C19orf12: variants seen among roughly 807,000 people sequenced by gnomAD.
The protein encoded by C19orf12 is chromosome 19 open reading frame 12, also known as protein C19orf12.
In C19orf12, 2 loss-of-function variants were observed where a neutral mutation model predicts 3.8. The observed-to-expected ratio is 0.53, with a 90% CI of 0.22 to 1.66. The LOEUF (loss-of-function observed/expected upper bound fraction) is 1.66. C19orf12 is among the 40% of genes most tolerant of loss of function. C19orf12 has a pLI of 0.20. For missense variants in C19orf12, 156 were observed against 188.8 expected, an observed-to-expected ratio of 0.83 and a Z score of 1.02; for synonymous variants, 89 against 84.6, an observed-to-expected ratio of 1.05 and a Z score of -0.28.
chr19:29,712,982 T>C (rs928429187), intron 1 of C19orf12, among the ~76,000 whole-genome samples: 6 of 152,250 alleles, frequency 3.9e-5, no homozygotes, highest in Admixed American at 2.6e-4. Flanking sequence ...AGAGATGTTG[T>C]GGCTGACTCC....
chr19:29,702,791 G>T lies in C19orf12; in HGVS notation c.347C>A (p.Ala116Asp). Residue 116 changes from alanine (A) to aspartate (D), a missense_variant, in exon 3 of 3, where the codon GCC becomes GAC. Physicochemically the swap from Ala to Asp is moderately radical, Grantham distance 126. Coordinates refer to ENST00000323670, the MANE Select transcript of C19orf12 (RefSeq NM_031448.6). ...QLTALVMGSEALQQQLLAMLV... is the reference protein window; with the variant it reads ...QLTALVMGSEDLQQQLLAMLV... Reference sequence around the variant, plus strand: ...CATGGCCAGCAGCTGCTGCTGCAGGGCCTCGCTGCCCATGACCAGCGCGGT... The same window carrying T: ...CATGGCCAGCAGCTGCTGCTGCAGGTCCTCGCTGCCCATGACCAGCGCGGT... 6.2e-7 allele frequency: 1 copy of T among 1,613,844 alleles called. No individual in the cohort carries two copies. Among genetic ancestry groups the T allele is most frequent in the Non-Finnish European group, 8.5e-7 (1 of 1,179,904 alleles).
chr19:29,702,977 C>G lies in C19orf12; in HGVS notation c.161G>C (p.Gly54Ala), dbSNP rs752450983. 198 of 1,614,008 alleles carry G rather than the reference C, an allele frequency of 1.2e-4. No individual in the cohort carries two copies. The highest frequency in any genetic ancestry group is 1.5e-4 in the Non-Finnish European group (178 of 1,180,024). ...LVGGPPGLAV[G>A]GAVGGLLGAW... ...ACCTAACAGCCCCCCGACAGCCCCC[C>G]CTAGAAAACATGGAATCGTTCAATT... Residue 54 changes from glycine (G) to alanine (A), a missense_variant and splice_region_variant, in exon 3 of 3, where the codon GGG becomes GCG. Transcript: ENST00000323670.
intron 1 of C19orf12, among the ~76,000 whole-genome samples, chr19:29,713,768 C>T (rs1338378179): frequency 6.6e-6 from 1 of 152,150 alleles, no homozygotes; most frequent in Non-Finnish European, 1.5e-5. Flanking sequence ...TCACATTGGA[C>T]CTGCCATTCT....
chr19:29,708,761 T>TGGCCTTTGC, intron 1 of C19orf12: 1 of 380,152 alleles, frequency 2.6e-6, no homozygotes, highest in Non-Finnish European at 5.1e-6. Flanking sequence ...CTGGCATTAG[T>TGGCCTTTGC]GGCCTTTGCA....
Position 29,702,960 on chromosome 19 carries a change from GC to G in C19orf12, c.177del (p.Leu60CysfsTer2), listed in dbSNP as rs770374870. The G allele has an allele frequency of 2.5e-6, 4 of 1,613,662 alleles. No individual in the cohort carries two copies. The highest frequency in any genetic ancestry group is 3.4e-6 in the Non-Finnish European group (4 of 1,179,750). Reference protein sequence around the residue: ...PGLAVGGAVGGLLGAWMTSGQ... With the variant: ...PGLAVGGAVGXLLGAWMTSGQ... Reference sequence around the variant, plus strand: ...CCACTTGTCATCCAGGCACCTAACAGCCCCCCGACAGCCCCCCCTAGAAAAC... The same window carrying G: ...CCACTTGTCATCCAGGCACCTAACAGCCCCCGACAGCCCCCCCTAGAAAAC... On this transcript the variant is annotated frameshift_variant, in exon 3 of 3. Transcript: ENST00000323670. LOFTEE classifies it high-confidence loss of function.
Position 29,711,975 on chromosome 19 carries a change from AAGC to A in C19orf12, c.-11+3147_-11+3149del, listed in dbSNP as rs1370638518. Among the ~76,000 whole-genome samples the A allele has an allele frequency of 2.6e-5, 4 of 152,210 alleles. No individual in the cohort carries two copies. The East Asian group carries it at 7.7e-4, about 29-fold the overall frequency. On this transcript the variant is annotated intron_variant, in intron 1 of 2. Transcript: ENST00000323670. ...CTTGGCAGAATTCCCTTCTAACAAA[AAGC>A]AGCCTAAGAAGTCGTTGCCCTTTCA... is the stretch of plus-strand genomic sequence containing the variant.
chr19:29,702,454 T>A lies in C19orf12; in HGVS notation c.*258A>T, dbSNP rs1015328274. 5.9e-6 allele frequency: 4 copies of A among 676,732 alleles called. No homozygotes were observed. The highest frequency in any genetic ancestry group is 1.1e-5 in the Non-Finnish European group (4 of 371,878). The allele number at this position is 676,732 out of a possible 1,614,324, so 41.9% of individuals were successfully genotyped here. On this transcript the variant is annotated 3_prime_UTR_variant, in exon 3 of 3. Transcript: ENST00000323670. ...CCGAAGCCTGCGGCAGGCAGGCCTTTACTCTTCACTGGGGGGCCAGTCAGA... is the reference window on the plus strand; with the variant it reads ...CCGAAGCCTGCGGCAGGCAGGCCTTAACTCTTCACTGGGGGGCCAGTCAGA...
At chr19:29,707,870 CCTTTTTT>C (rs1972459972) in intron 2 of C19orf12, among the ~76,000 whole-genome samples, 1 of 148,038 alleles carries the variant, frequency 6.8e-6, no homozygotes, top group South Asian at 2.1e-4. Context: ...TTTTCTTTTT[CCTTTTTT>C]TTTTTTTTCT....
chr19:29,701,898 C>T lies in C19orf12; in HGVS notation c.*814G>A, dbSNP rs112965744. On this transcript the variant is annotated 3_prime_UTR_variant, in exon 3 of 3. Transcript: ENST00000323670. ...ATATGCAGTAAACATGACTTAGATG[C>T]ACTGGGAAACTAAAACAATGCGCTT... is the stretch of plus-strand genomic sequence containing the variant. 4.1e-3 allele frequency: 1,841 copies of T among 454,100 alleles called. 27 individuals are homozygous for T. Among genetic ancestry groups the T allele is most frequent in the African/African-American group, 0.034 (1,708 of 50,106 alleles). The allele number at this position is 454,100 out of a possible 1,614,324, so 28.1% of individuals were successfully genotyped here. A position where few individuals can be genotyped will look rare whatever the true frequency, so the allele number is the denominator to read the frequency against.
In C19orf12 at chr19:29,702,265, G is replaced by A; in HGVS notation, c.*447C>T. 1 of 456,806 alleles carries A rather than the reference G, an allele frequency of 2.2e-6. No homozygotes were observed. Among genetic ancestry groups the A allele is most frequent in the Non-Finnish European group, 4.4e-6 (1 of 228,788 alleles). 28.3% of individuals were successfully genotyped at this position (456,806 alleles called of 1,614,324 possible). A position where few individuals can be genotyped will look rare whatever the true frequency, so the allele number is the denominator to read the frequency against. On this transcript the variant is annotated 3_prime_UTR_variant, in exon 3 of 3. Transcript: ENST00000323670. The stretch of plus-strand genomic sequence containing the variant: ...GCTGCTCCAAGGCCCTGAGACCCCA[G>A]GACCTGCAGGGGGGTGGGATCCAGT...
intron 1 of C19orf12, 113 bp from the exon 2 acceptor site, chr19:29,708,536 C>G (rs1972500523): frequency 1.4e-6 from 2 of 1,382,652 alleles, no homozygotes; most frequent in African/African-American, 2.8e-5. Flanking sequence ...CAGGAAAGCT[C>G]AGCAGCTCCA....
rs569774054 is a variant in C19orf12 at position 29,705,682 on chromosome 19, T to C, written c.160+2572A>G. 2.4e-3 allele frequency among the ~76,000 whole-genome samples: 360 copies of C among 152,052 alleles called. 1 individual carries two copies. Among genetic ancestry groups the C allele is most frequent in the African/African-American group, 8.2e-3 (339 of 41,460 alleles). On this transcript the variant is annotated intron_variant, in intron 2 of 2. Transcript: ENST00000323670. ...TGAACCACCATGCCTGGCTAATTTTTTTTTTATTATTTTTCGTAGAGACGG... is the reference window on the plus strand; with the variant it reads ...TGAACCACCATGCCTGGCTAATTTTCTTTTTATTATTTTTCGTAGAGACGG...
chr19:29,714,403 G>A (rs2013947), intron 1 of C19orf12, among the ~76,000 whole-genome samples: 18 of 152,058 alleles, frequency 1.2e-4, no homozygotes, highest in Non-Finnish European at 2.2e-4. Flanking sequence ...CTGAGGCAGG[G>A]GAATTGCTTG....
At chr19:29,714,883 T>G in intron 1 of C19orf12, 1 of 541,836 alleles carries the variant, frequency 1.8e-6, no homozygotes, top group Non-Finnish European at 3.6e-6. Flanking sequence ...GGCCCGGGAC[T>G]CTAGTCCCAG....
rs11879624 is a variant in C19orf12 at position 29,707,950 on chromosome 19, C to A, written c.160+304G>T. On this transcript the variant is annotated intron_variant, in intron 2 of 2. Coordinates refer to ENST00000323670, the MANE Select transcript of C19orf12 (RefSeq NM_031448.6). ...ACAATGGCATGATCTTGGCTCACTG[C>A]AATCTTTGCCTCCCGGGTTTAAGCG... Among the ~76,000 whole-genome samples, 458 of 151,504 alleles carry A rather than the reference C, an allele frequency of 3.0e-3. 5 individuals are homozygous for A. Among genetic ancestry groups the A allele is most frequent in the African/African-American group, 0.01 (419 of 41,258 alleles).
chr19:29,711,196 C>T (rs1972657916), intron 1 of C19orf12, among the ~76,000 whole-genome samples: 1 of 152,080 alleles, frequency 6.6e-6, no homozygotes, highest in South Asian at 2.1e-4. Context: ...TGCACCACCA[C>T]ACCTGGCTAA....
rs554666997 is a variant in C19orf12 at position 29,708,860 on chromosome 19, A to G, written c.-10-437T>C. Among the ~76,000 whole-genome samples the G allele has an allele frequency of 7.2e-5, 11 of 152,318 alleles. No individual in the cohort carries two copies. The East Asian group carries it at 1.9e-3, about 27-fold the overall frequency. On this transcript the variant is annotated intron_variant, in intron 1 of 2. Transcript: ENST00000323670. ...TCTGAGCTGAGGCCAAGCCAGAGCC[A>G]GGGAAGGGATGGGACCCTGTGACCA... is the stretch of plus-strand genomic sequence containing the variant.
upstream of C19orf12, chr19:29,715,496 C>T (rs560470404): frequency 8.8e-6 from 3 of 340,342 alleles, no homozygotes; most frequent in Middle Eastern, 3.9e-4. Context: ...CGCAAGGCCG[C>T]GCTCCCGCAG....
chr19:29,707,558 A>G (rs1560188), intron 2 of C19orf12, among the ~76,000 whole-genome samples: 76,412 of 152,024 alleles, frequency 0.5, 21,471 homozygotes, highest in East Asian at 0.78. Flanking sequence ...CAGGGACCTC[A>G]CAGTCATGAA....
Sources: allele counts gnomAD v4.1 joint callset (sites outside exome capture counted in the v4.1 genomes callset), GRCh38; gene constraint gnomAD v4.1.1; transcripts MANE v1.5; gene names NCBI Gene and HGNC (gene_info 2026-07-23, HGNC 2026-07-21).